Variants in PPFIA2 observed in about 807,000 individuals in gnomAD.
PPFIA2 encodes PPFI scaffold protein A2.
In PPFIA2, 46 loss-of-function variants were observed where a neutral mutation model predicts 175.5. That is an observed-to-expected ratio of 0.26 (90% CI 0.21 to 0.34). The LOEUF (loss-of-function observed/expected upper bound fraction) is 0.34, where lower values mean the gene tolerates loss of function less well. Among genes scored for constraint, PPFIA2 ranks in the 10% least tolerant of loss-of-function variants. The pLI, the probability that PPFIA2 is intolerant of heterozygous loss-of-function variation, is 1.00. For missense variants in PPFIA2, 1,179 were observed against 1,506.1 expected (o/e 0.78, Z 3.60); for synonymous variants, 568 against 511.4 (o/e 1.11, Z -1.49).
chr12:81,273,685 C>A (rs922591702), intron 28 of PPFIA2, among the ~76,000 whole-genome samples: 48 of 152,124 alleles, frequency 3.2e-4, no homozygotes, highest in African/African-American at 1.0e-3. Flanking sequence ...CTACTTAACT[C>A]CTTTTGTGGA....
chr12:81,747,191 G>C (rs2083180343), intron 3 of PPFIA2, among the ~76,000 whole-genome samples: 1 of 143,946 alleles, frequency 6.9e-6, no homozygotes, highest in Non-Finnish European at 1.6e-5. Context: ...GGCTATAACA[G>C]GAGGTAAAAG....
chr12:81,402,686 T>A (rs1566666709), intron 8 of PPFIA2, among the ~76,000 whole-genome samples: 1 of 152,082 alleles, frequency 6.6e-6, no homozygotes, highest in African/African-American at 2.4e-5. Context: ...AAACTCTGTC[T>A]CTACAAAAAT....
intron 4 of PPFIA2, among the ~76,000 whole-genome samples, chr12:81,632,903 C>T (rs1595820031): frequency 6.7e-6 from 1 of 148,546 alleles, no homozygotes; most frequent in African/African-American, 2.6e-5. Flanking sequence ...TGATAGGGCT[C>T]TAGTGTAGTT....
intron 4 of PPFIA2, among the ~76,000 whole-genome samples, chr12:81,495,090 TA>T: frequency 6.6e-6 from 1 of 151,952 alleles, no homozygotes; most frequent in East Asian, 1.9e-4. Context: ...ACTTAAAGTA[TA>T]ATAATAATAA....
Position 81,325,781 on chromosome 12 carries a change from T to C in PPFIA2, c.2638A>G (p.Lys880Glu), listed in dbSNP as rs1198424509. Reference protein sequence around the residue: ...TQAEKDRRLKKKHELLEEARR... With the variant: ...TQAEKDRRLKEKHELLEEARR... ...GGGAAAAATCCCCAAACCTACTTTT[T>C]CTTTAGTCTTCGATCCTTCTCAGCT... The change falls in exon 22 of 33, where the codon AAA becomes GAA. Residue 880 changes from lysine (K) to glutamate (E), a missense_variant. Around this residue, in one of 10 missense-constraint regions of PPFIA2, gnomAD observed 44 missense variants for 81.3 expected, o/e 0.54. Transcript: ENST00000549396. The C allele has an allele frequency of 6.2e-7, 1 of 1,610,848 alleles. No homozygotes were observed. The highest frequency in any genetic ancestry group is 1.7e-5 in the Admixed American group (1 of 59,894).
intron 4 of PPFIA2, among the ~76,000 whole-genome samples, chr12:81,641,208 T>A (rs1364208391): frequency 6.6e-6 from 1 of 152,148 alleles, no homozygotes; most frequent in Non-Finnish European, 1.5e-5. Context: ...ACCGCAAGTA[T>A]TTAACCACAT....
intron 3 of PPFIA2, among the ~76,000 whole-genome samples, chr12:81,732,022 G>A (rs1596985452): frequency 6.6e-6 from 1 of 151,552 alleles, no homozygotes; most frequent in East Asian, 2.0e-4. Context: ...TATGTCACAG[G>A]ATGATATGAG....
At chr12:81,523,870 A>T (rs1022250249) in intron 4 of PPFIA2, among the ~76,000 whole-genome samples, 1 of 152,202 alleles carries the variant, frequency 6.6e-6, no homozygotes, top group African/African-American at 2.4e-5. Flanking sequence ...TTAATGAAAC[A>T]TCAGTTTGCC....
intron 4 of PPFIA2, among the ~76,000 whole-genome samples, chr12:81,490,061 C>T (rs745361220): frequency 6.6e-6 from 1 of 151,766 alleles, no homozygotes; most frequent in Non-Finnish European, 1.5e-5. Context: ...CCTAGCATTC[C>T]TCCTCTTATT....
At chr12:81,624,881 A>C (rs1374016766) in intron 4 of PPFIA2, among the ~76,000 whole-genome samples, 1 of 151,326 alleles carries the variant, frequency 6.6e-6, no homozygotes, top group Non-Finnish European at 1.5e-5. Context: ...TACAGTGTAC[A>C]CTACTCGGGG....
chr12:81,604,662 G>A (rs2153459573), intron 4 of PPFIA2, among the ~76,000 whole-genome samples: 1 of 151,492 alleles, frequency 6.6e-6, no homozygotes, highest in East Asian at 1.9e-4. Flanking sequence ...ATCAATCATT[G>A]GTTTTCAGGC....
intron 3 of PPFIA2, among the ~76,000 whole-genome samples, chr12:81,697,934 C>T (rs117231066): frequency 0.021 from 3,232 of 152,194 alleles, 62 homozygotes; most frequent in Non-Finnish European, 0.032. Context: ...ATGTTTGGAA[C>T]CTGAATGCAG....
chr12:81,655,552 G>C (rs2067663397), intron 4 of PPFIA2, among the ~76,000 whole-genome samples: 1 of 151,644 alleles, frequency 6.6e-6, no homozygotes, highest in African/African-American at 2.4e-5. Context: ...TTGGCCAATG[G>C]GTTAATTAGA....
chr12:81,367,310 ATGCTTTG>A, intron 13 of PPFIA2, 140 bp from the exon 14 acceptor site: 1 of 566,406 alleles, frequency 1.8e-6, no homozygotes, highest in Non-Finnish European at 2.6e-6. Context: ...CATGGAAACC[ATGCTTTG>A]ATGAAATTTT....
At chr12:81,481,191 G>A (rs2058174600) in intron 4 of PPFIA2, among the ~76,000 whole-genome samples, 1 of 152,176 alleles carries the variant, frequency 6.6e-6, no homozygotes, top group Admixed American at 6.5e-5. Context: ...CAAGGGATGT[G>A]TAGGACCTCT....
intron 4 of PPFIA2, among the ~76,000 whole-genome samples, chr12:81,477,866 T>C (rs1363340423): frequency 1.3e-5 from 2 of 152,116 alleles, no homozygotes; most frequent in Non-Finnish European, 2.9e-5. Flanking sequence ...GAAATTTTTT[T>C]TTTTTTTAAT....
intron 4 of PPFIA2, among the ~76,000 whole-genome samples, chr12:81,594,730 A>G (rs1321345350): frequency 2.6e-5 from 4 of 151,986 alleles, no homozygotes; most frequent in Admixed American, 2.6e-4. Flanking sequence ...TGGAAAATAT[A>G]GTGAGACTTC....
chr12:81,348,660 C>T (rs923590772), intron 17 of PPFIA2, among the ~76,000 whole-genome samples: 6 of 152,086 alleles, frequency 3.9e-5, no homozygotes, highest in East Asian at 1.9e-4. Context: ...CGCTTGAACC[C>T]GGGAGGCAGA....
At chr12:81,323,430 A>C (rs1240217052) in intron 22 of PPFIA2, among the ~76,000 whole-genome samples, 6 of 152,094 alleles carry the variant, frequency 3.9e-5, no homozygotes, top group African/African-American at 1.4e-4. Flanking sequence ...ATGTTGCTTC[A>C]TTTATTGTTT....
Sources: gnomAD v4.1 joint callset for allele counts (sites outside exome capture counted in the v4.1 genomes callset) on GRCh38, gnomAD v4.1.1 for gene constraint, gnomAD v4.1.1 regional missense constraint, MANE v1.5 for transcripts, NCBI Gene and HGNC (gene_info 2026-07-23, HGNC 2026-07-21) for gene names.